F8: variants seen among roughly 807,000 people sequenced by gnomAD.
F8 encodes the protein antihemophilic factor.
Under a neutral mutation model 140.6 loss-of-function variants are expected in F8, and 12 were observed. That is an observed-to-expected ratio of 0.09 (90% confidence interval 0.05 to 0.14). The LOEUF (loss-of-function observed/expected upper bound fraction) is 0.14, where lower values mean the gene tolerates loss of function less well. Ranked by LOEUF, F8 falls within the 10% of genes least tolerant of loss-of-function variation. The probability of loss-of-function intolerance (pLI) is 1.00; values close to 1 mark genes in which losing one functional copy is unlikely to be tolerated. For synonymous variants in F8, 585 were observed against 614.6 expected (o/e 0.95, Z 0.71); for missense variants, 1,354 against 1,720.7 (o/e 0.79, Z 3.77).
intron 23 of F8, 100 bp from the exon 24 acceptor site, chrX:154,861,966 T>C: frequency 1.1e-6 from 1 of 912,465 alleles, no homozygotes; most frequent in South Asian, 2.0e-5. Context: ...GTCATCATAA[T>C]ATCATTTCTC....
rs191046584 is a variant in F8 at position 154,953,088 on chromosome X, T to C, written c.1903+804A>G. 1.1e-4 allele frequency among the ~76,000 whole-genome samples: 12 copies of C among 111,778 alleles called. 1 individual carries two copies. Among genetic ancestry groups the C allele is most frequent in the Admixed American group, 9.5e-4 (10 of 10,528 alleles). ...TTCTATTTCGCATTTCCCTGTAGGA[T>C]AGTGCAATTGGAATTTTTTACCATA... On this transcript the variant is annotated intron_variant, in intron 12 of 25. Coordinates refer to ENST00000360256, the MANE Select transcript of F8 (RefSeq NM_000132.4).
intron 14 of F8, among the ~76,000 whole-genome samples, chrX:154,925,956 C>T (rs1270968044): frequency 8.9e-6 from 1 of 111,918 alleles, no homozygotes; most frequent in Non-Finnish European, 1.9e-5. Flanking sequence ...GTGTCCCTAC[C>T]CAAATCTCAT....
At chrX:154,939,985 A>G (rs2073249648) in intron 13 of F8, among the ~76,000 whole-genome samples, 1 of 112,358 alleles carries the variant, frequency 8.9e-6, no homozygotes, top group Non-Finnish European at 1.9e-5. Context: ...TAACAAACAG[A>G]AAGGACATCC....
chrX:154,906,353 AT>A lies in F8; in HGVS notation c.5373+66del, dbSNP rs781918250. The A allele has an allele frequency of 2.7e-4, 284 of 1,071,010 alleles. 1 individual carries two copies. The East Asian group carries it at 8.9e-3, about 33-fold the overall frequency. 88.3% of individuals were successfully genotyped at this position (1,071,010 alleles called of 1,213,427 possible). ...TAAAAATTTCCAAAAGTGGGAATAC[AT>A]TATAGTCAGCAAGAAAATAAATATA... On this transcript the variant is annotated intron_variant, in intron 15 of 25. Coordinates refer to ENST00000360256, the MANE Select transcript of F8 (RefSeq NM_000132.4).
At chrX:154,960,812 C>A (rs1350543426) in intron 10 of F8, among the ~76,000 whole-genome samples, 2 of 111,760 alleles carry the variant, frequency 1.8e-5, no homozygotes, top group Admixed American at 1.9e-4. Flanking sequence ...GCAGTGGAAC[C>A]AATTGCAGTG....
intron 10 of F8, among the ~76,000 whole-genome samples, chrX:154,958,721 C>G (rs1407567607): frequency 8.9e-6 from 1 of 111,781 alleles, no homozygotes; most frequent in Non-Finnish European, 1.9e-5. Context: ...TCAAGCAATT[C>G]TCCTGCCTCA....
At chrX:154,841,214 T>A (rs1557271317) in intron 25 of F8, among the ~76,000 whole-genome samples, 1 of 104,242 alleles carries the variant, frequency 9.6e-6, no homozygotes, top group Non-Finnish European at 2.0e-5. Flanking sequence ...TCTTCTTTTT[T>A]TTTTTTTTTT....
chrX:154,877,593 C>T (rs782760129), intron 22 of F8, among the ~76,000 whole-genome samples: 1 of 111,015 alleles, frequency 9.0e-6, no homozygotes, highest in East Asian at 2.8e-4. Context: ...CCCGGGTTCA[C>T]GCCATTCTCC....
At chrX:154,983,929 A>C (rs1235211180) in intron 6 of F8, among the ~76,000 whole-genome samples, 1 of 111,800 alleles carries the variant, frequency 8.9e-6, no homozygotes, top group East Asian at 2.8e-4. Flanking sequence ...GGCAAGGACA[A>C]ATCTCCCCCC....
At position 154,927,857 on chromosome X, in the gene F8, T is replaced by A. The variant is rs980945825; in HGVS notation, c.5219+714A>T. Among the ~76,000 whole-genome samples the A allele has an allele frequency of 1.1e-4, 12 of 111,868 alleles. No individual in the cohort carries two copies. The Admixed American group carries it at 1.1e-3, about 11-fold the overall frequency. On this transcript the variant is annotated intron_variant, in intron 14 of 25. Coordinates refer to ENST00000360256, the MANE Select transcript of F8 (RefSeq NM_000132.4). ...CTCAGAGCTCCATCAGCTGGCCTGT[T>A]ATCATCATTTAGGTCTCAACTCCTC...
intron 4 of F8, among the ~76,000 whole-genome samples, chrX:154,991,670 T>C (rs911170863): frequency 1.3e-4 from 15 of 112,185 alleles, no homozygotes; most frequent in African/African-American, 4.5e-4. Flanking sequence ...TTACATCCCA[T>C]AAATAATACA....
chrX:154,847,072 G>A (rs782407895), intron 25 of F8, among the ~76,000 whole-genome samples: 1 of 111,350 alleles, frequency 9.0e-6, no homozygotes, highest in African/African-American at 3.3e-5. Flanking sequence ...TGAAATTCTG[G>A]GTTGAAAATT....
intron 13 of F8, among the ~76,000 whole-genome samples, chrX:154,935,459 C>T (rs928342527): frequency 5.4e-5 from 6 of 111,129 alleles, no homozygotes; most frequent in South Asian, 7.5e-4. Context: ...CAAATGGTGC[C>T]GGGACAACTG....
rs138980898 is a variant in F8 at position 154,999,553 on chromosome X, A to C, written c.191T>G (p.Val64Gly). The C allele has an allele frequency of 8.0e-5, 96 of 1,206,936 alleles. No individual in the cohort carries two copies. The African/African-American group carries it at 1.5e-3, about 19-fold the overall frequency. ...TTCTACAAACAGAGTCTTTTTGTAC[A>C]CGACTGAGGTGTTGAATGGAAAAGA... ...PKSFPFNTSV[V>G]YKKTLFVEFT... Residue 64 changes from valine (V) to glycine (G), a missense_variant, in exon 2 of 26, where the codon GTG becomes GGG. By Grantham distance (109) the Val-to-Gly change is moderately radical (BLOSUM62 -3). Around this residue, in one of 4 missense-constraint regions of F8, gnomAD observed 128 missense variants for 230.4 expected, o/e 0.56. Coordinates refer to ENST00000360256, the MANE Select transcript of F8 (RefSeq NM_000132.4).
chrX:154,919,560 A>C, intron 14 of F8: 2 of 746,472 alleles, frequency 2.7e-6, no homozygotes, highest in Non-Finnish European at 3.7e-6. Flanking sequence ...CAATCCTGGC[A>C]GACTCTCAGA....
In F8 at chrX:154,929,828, C is replaced by T; in HGVS notation, c.3962G>A (p.Ser1321Asn). ...ACTTRISPNTSQQNFVTQRSK... is the reference protein window; with the variant it reads ...ACTTRISPNTNQQNFVTQRSK... ...ACGTTGCGTGACAAAATTCTGCTGG[C>T]TTGTATTAGGAGATATCCTTGTGGT... The change falls in exon 14 of 26, where the codon AGC becomes AAC. Residue 1321 changes from serine (S) to asparagine (N), a missense_variant. Physicochemically the swap from Ser to Asn is conservative, Grantham distance 46. This residue lies in a region of F8 where 658 missense variants were observed against 666.5 expected (regional missense o/e 0.99). Coordinates refer to ENST00000360256, the MANE Select transcript of F8 (RefSeq NM_000132.4). The T allele has an allele frequency of 8.3e-7, 1 of 1,211,770 alleles. No homozygotes were observed. The highest frequency in any genetic ancestry group is 1.1e-6 in the Non-Finnish European group (1 of 895,422).
chrX:154,939,183 CA>C (rs2073241567), intron 13 of F8, among the ~76,000 whole-genome samples: 2 of 111,487 alleles, frequency 1.8e-5, no homozygotes, highest in African/African-American at 6.5e-5. Context: ...ACAGTGGGTG[CA>C]GTGCACTGTG....
intron 14 of F8, among the ~76,000 whole-genome samples, chrX:154,922,677 T>C (rs1557277657): frequency 8.9e-6 from 1 of 111,930 alleles, no homozygotes; most frequent in East Asian, 2.8e-4. Context: ...ATCAGGGACA[T>C]AATTTTAAGT....
At chrX:154,873,835 A>G (rs183186891) in intron 22 of F8, among the ~76,000 whole-genome samples, 83 of 111,980 alleles carry the variant, frequency 7.4e-4, no homozygotes, top group African/African-American at 2.7e-3. Context: ...TATACATAAA[A>G]TTCAACTCAA....
Sources: gnomAD v4.1 joint callset for allele counts (sites outside exome capture counted in the v4.1 genomes callset) on GRCh38, gnomAD v4.1.1 for gene constraint, gnomAD v4.1.1 regional missense constraint, MANE v1.5 for transcripts, NCBI Gene and HGNC (gene_info 2026-07-23, HGNC 2026-07-21) for gene names.